RERGL: variants seen among roughly 807,000 people sequenced by gnomAD.
RERGL encodes the protein ras-related and estrogen-regulated growth inhibitor-like protein.
In RERGL, 22 loss-of-function variants were observed where a neutral mutation model predicts 24.7. The ratio of observed to expected loss-of-function variants is 0.89; its 90% confidence interval spans 0.64 to 1.27. The LOEUF (loss-of-function observed/expected upper bound fraction) is 1.27, where lower values mean the gene tolerates loss of function less well. Among genes scored for constraint, RERGL ranks in the 50% most tolerant of loss-of-function variants. The pLI is 0.00. For missense variants in RERGL, 259 were observed against 235.3 expected, an observed-to-expected ratio of 1.10 and a Z score of -0.66; for synonymous variants, 76 against 82.6, an observed-to-expected ratio of 0.92 and a Z score of 0.43.
chr12:18,085,002 GT>G (rs1418243833), intron 3 of RERGL, among the ~76,000 whole-genome samples: 2 of 139,140 alleles, frequency 1.4e-5, no homozygotes, highest in Admixed American at 7.2e-5. Context: ...TCATTTATCT[GT>G]TAGTAAATGG....
At chr12:18,086,675 T>G (rs1947225215) in intron 2 of RERGL, among the ~76,000 whole-genome samples, 1 of 152,176 alleles carries the variant, frequency 6.6e-6, no homozygotes, top group Non-Finnish European at 1.5e-5. Context: ...CAAACATGGA[T>G]CAAGTTCATA....
At position 18,081,541 on chromosome 12, in the gene RERGL, A is replaced by C. The variant is rs1183237683; in HGVS notation, c.333-68T>G. ...ACTCTTTTTTTTAAAAAAAAAAAAA[A>C]AACAGATTTATAACCAAAGGATTAT... On this transcript the variant is annotated intron_variant, in intron 4 of 4. Coordinates refer to ENST00000538724, the MANE Select transcript of RERGL (RefSeq NM_001286201.2). The C allele has an allele frequency of 1.1e-5, 14 of 1,326,816 alleles. No homozygotes were observed. The South Asian group carries it at 1.1e-4, about 10-fold the overall frequency. The allele number at this position is 1,326,816 out of a possible 1,614,324, so 82.2% of individuals were successfully genotyped here. A position where few individuals can be genotyped will look rare whatever the true frequency, so the allele number is the denominator to read the frequency against.
intron 2 of RERGL, 151 bp from the exon 3 acceptor site, chr12:18,085,844 G>A (rs978861519): frequency 4.0e-5 from 11 of 272,328 alleles, no homozygotes; most frequent in Admixed American, 6.9e-5. Flanking sequence ...ACTCAGATAT[G>A]TTTCTTTTTT....
intron 2 of RERGL, among the ~76,000 whole-genome samples, chr12:18,086,250 T>G (rs990150433): frequency 6.6e-6 from 1 of 152,044 alleles, no homozygotes; most frequent in African/African-American, 2.4e-5. Context: ...TTATATTCCA[T>G]CCTATTACTG....
chr12:18,084,548 T>C lies in RERGL; in HGVS notation c.301A>G (p.Ile101Val), dbSNP rs1487149830. ...FAFAKALIYR[I>V]REPQTSHCKR... is the part of the protein sequence containing the mutation. ...CAATGACTAGTTTGTGGCTCCCGGA[T>C]TCTGTAGATCAGCGCTTTTGCAAAA... Residue 101 changes from isoleucine to valine, a missense_variant, in exon 4 of 5, where the codon ATC (isoleucine) becomes GTC (valine). Coordinates refer to ENST00000538724, the MANE Select transcript of RERGL (RefSeq NM_001286201.2). 6.2e-7 allele frequency: 1 copy of C among 1,608,578 alleles called. No individual in the cohort carries two copies.
Position 18,088,882 on chromosome 12 carries a change from T to A in RERGL, c.109+18A>T. 2 of 1,517,804 alleles carry A rather than the reference T, an allele frequency of 1.3e-6. No individual in the cohort carries two copies. Among genetic ancestry groups the A allele is most frequent in the Non-Finnish European group, 1.8e-6 (2 of 1,092,912 alleles). The allele number at this position is 1,517,804 out of a possible 1,614,324, so 94.0% of individuals were successfully genotyped here. ...TGTTAAAAGTTTTAAGGTAAAAATGTCTAGAGTAGTGACTTACCAAAATTA... is the reference window on the plus strand; with the variant it reads ...TGTTAAAAGTTTTAAGGTAAAAATGACTAGAGTAGTGACTTACCAAAATTA... On this transcript the variant is annotated intron_variant, in intron 2 of 4. Transcript: ENST00000538724.
intron 1 of RERGL, 31 bp from the exon 2 acceptor site, chr12:18,088,987 G>A (rs1398858907): frequency 6.4e-7 from 1 of 1,567,380 alleles, no homozygotes; most frequent in East Asian, 2.2e-5. Flanking sequence ...ATTTAGGGCT[G>A]TTATATTTTA....
intron 1 of RERGL, chr12:18,089,288 T>C: frequency 6.2e-7 from 1 of 1,600,734 alleles, no homozygotes; most frequent in Non-Finnish European, 8.5e-7. Context: ...TGACATCTGT[T>C]TATTTTCTCT....
At chr12:18,081,505 T>C (rs200094796) in intron 4 of RERGL, 32 bp from the exon 5 acceptor site, 43 of 1,468,562 alleles carry the variant, frequency 2.9e-5, no homozygotes, top group Non-Finnish European at 3.9e-5. Context: ...TTTAGCAAGA[T>C]TGTTTTAACA....
chr12:18,086,063 C>T (rs1220227445), intron 2 of RERGL, among the ~76,000 whole-genome samples: 6 of 138,770 alleles, frequency 4.3e-5, no homozygotes, highest in Admixed American at 1.5e-4. Context: ...TTAGTAGAGA[C>T]GGGGTTTCAC....
Position 18,085,605 on chromosome 12 carries a change from T to C in RERGL, c.183+15A>G, listed in dbSNP as rs61915700. 2.7e-6 allele frequency: 4 copies of C among 1,466,744 alleles called. No individual in the cohort carries two copies. The highest frequency in any genetic ancestry group is 2.4e-5 in the South Asian group (2 of 83,158). The allele number at this position is 1,466,744 out of a possible 1,614,324, so 90.9% of individuals were successfully genotyped here. On this transcript the variant is annotated intron_variant, in intron 3 of 4. Coordinates refer to ENST00000538724, the MANE Select transcript of RERGL (RefSeq NM_001286201.2). Reference sequence around the variant, plus strand: ...AATAAATAAATCAATAAAAAAGGTGTTTTGTTTTACTTACTTGAGAACAAG... The same window carrying C: ...AATAAATAAATCAATAAAAAAGGTGCTTTGTTTTACTTACTTGAGAACAAG...
At chr12:18,085,740 G>C (rs1294360704) in intron 2 of RERGL, 47 bp from the exon 3 acceptor site, 1 of 1,049,988 alleles carries the variant, frequency 9.5e-7, no homozygotes, top group South Asian at 1.4e-5. Context: ...TACTCCAAAC[G>C]TGAACTGATA....
At chr12:18,087,284 A>G (rs1163751354) in intron 2 of RERGL, among the ~76,000 whole-genome samples, 3 of 152,164 alleles carry the variant, frequency 2.0e-5, no homozygotes, top group Non-Finnish European at 2.9e-5. Flanking sequence ...CCCATCTCTC[A>G]GAGGATTAGG....
intron 4 of RERGL, among the ~76,000 whole-genome samples, chr12:18,082,576 C>A (rs1445309974): frequency 6.6e-6 from 1 of 152,096 alleles, no homozygotes; most frequent in East Asian, 1.9e-4. Flanking sequence ...AAATGATGTA[C>A]ATAAAAATAC....
intron 1 of RERGL, chr12:18,089,451 T>C (rs1947249980): frequency 8.7e-7 from 1 of 1,154,040 alleles, no homozygotes; most frequent in African/African-American, 1.6e-5. Flanking sequence ...CTCCTGGGTT[T>C]GGCCAGTTAA....
rs1471234603 is a variant in RERGL, at chr12:18,081,071, T to C, written c.*120A>G. ...CACAGCTGTGGTTCATACTCAATCA[T>C]TTCATATCTCCAAGAGAATTCTTTT... On this transcript the variant is annotated 3_prime_UTR_variant, in exon 5 of 5. Transcript: ENST00000538724. 2.2e-6 allele frequency: 2 copies of C among 924,424 alleles called. No homozygotes were observed. Among genetic ancestry groups the C allele is most frequent in the Non-Finnish European group, 3.2e-6 (2 of 633,016 alleles). 57.3% of individuals were successfully genotyped at this position (924,424 alleles called of 1,614,324 possible). A position where few individuals can be genotyped will look rare whatever the true frequency, so the allele number is the denominator to read the frequency against.
At chr12:18,086,024 A>ATTTT (rs577015041) in intron 2 of RERGL, among the ~76,000 whole-genome samples, 1 of 125,088 alleles carries the variant, frequency 8.0e-6, no homozygotes, top group Non-Finnish European at 1.6e-5. Flanking sequence ...CGCCTGGCCA[A>ATTTT]TTTTTTTTTT....
intron 2 of RERGL, 35 bp downstream of exon 2, chr12:18,088,865 G>C (rs1032889401): frequency 1.9e-5 from 25 of 1,346,610 alleles, no homozygotes; most frequent in Middle Eastern, 3.6e-4. Context: ...GATGTTAAAA[G>C]TTTTAAGGTA....
intron 1 of RERGL, chr12:18,089,229 C>T (rs775606237): frequency 6.2e-7 from 1 of 1,607,074 alleles, no homozygotes; most frequent in East Asian, 2.2e-5. Flanking sequence ...GGCCACTTAC[C>T]TTTTGTAACA....
Sources: gnomAD v4.1 joint callset for allele counts (sites outside exome capture counted in the v4.1 genomes callset) on GRCh38, gnomAD v4.1.1 for gene constraint, MANE v1.5 for transcripts, NCBI Gene and HGNC (gene_info 2026-07-23, HGNC 2026-07-21) for gene names.